POLR2F: variants seen among roughly 807,000 people sequenced by gnomAD.
POLR2F encodes the protein RNA polymerase II, I and III subunit F, also known as DNA-directed RNA polymerases I, II, and III subunit RPABC2.
POLR2F carries 12 observed loss-of-function variants against 22.7 expected under a neutral mutation model. The observed-to-expected ratio is 0.53, with a 90% CI of 0.34 to 0.86. The LOEUF is 0.86. Ranked by LOEUF, POLR2F falls within the 40% of genes least tolerant of loss-of-function variation. The pLI, the probability that POLR2F is intolerant of heterozygous loss-of-function variation, is 0.02. For synonymous variants in POLR2F, 57 were observed against 66.0 expected (o/e 0.86, Z 0.66); for missense variants, 126 against 171.5 (o/e 0.73, Z 1.48).
chr22:37,995,947 G>GTCATGA (rs962430296), intron 1 of POLR2F, among the ~76,000 whole-genome samples: 80 of 152,286 alleles, frequency 5.3e-4, no homozygotes, highest in African/African-American at 1.9e-3. Context: ...TGAGAAGTGA[G>GTCATGA]TCATGATCGT....
intron 1 of POLR2F, among the ~76,000 whole-genome samples, chr22:38,018,930 T>TC (rs1466740916): frequency 6.6e-6 from 1 of 151,756 alleles, no homozygotes; most frequent in Non-Finnish European, 1.5e-5. Flanking sequence ...GCACATGAAA[T>TC]CCCCCCGTCT....
intron 1 of POLR2F, among the ~76,000 whole-genome samples, chr22:38,007,543 G>A (rs1344254005): frequency 9.9e-5 from 15 of 152,178 alleles, no homozygotes; most frequent in Non-Finnish European, 1.6e-4. Flanking sequence ...GAGCGGGGCC[G>A]CCCCCATGCC....
chr22:38,015,018 G>A (rs567155907), intron 1 of POLR2F, among the ~76,000 whole-genome samples: 187 of 151,990 alleles, frequency 1.2e-3, no homozygotes, highest in African/African-American at 4.4e-3. Context: ...ATGTTGATCA[G>A]GCTGGTCTCA....
At chr22:37,959,304 G>T in intron 2 of POLR2F, 42 bp from the exon 3 acceptor site, 1 of 1,607,098 alleles carries the variant, frequency 6.2e-7, no homozygotes, top group Non-Finnish European at 8.5e-7. Context: ...TAACCCAAAA[G>T]TGCCACCTGA....
intron 4 of POLR2F, among the ~76,000 whole-genome samples, chr22:37,976,790 G>T (rs952048373): frequency 1.3e-5 from 2 of 152,212 alleles, no homozygotes; most frequent in African/African-American, 4.8e-5. Context: ...GCCTGGAACA[G>T]AGTAGCTGCT....
chr22:37,967,767 T>G lies in POLR2F; in HGVS notation c.*52T>G. On this transcript the variant is annotated 3_prime_UTR_variant, in exon 5 of 5. Transcript: ENST00000442738. ...CCATGCCCAATTTTCATTCTCACTTTATATGTGTAAATAATAAAATATTCA... is the reference window on the plus strand; with the variant it reads ...CCATGCCCAATTTTCATTCTCACTTGATATGTGTAAATAATAAAATATTCA... 1.3e-6 allele frequency: 2 copies of G among 1,576,994 alleles called. No homozygotes were observed. Among genetic ancestry groups the G allele is most frequent in the Non-Finnish European group, 1.7e-6 (2 of 1,163,178 alleles).
At chr22:38,035,161 C>T (rs112060475) in intron 5 of POLR2F, among the ~76,000 whole-genome samples, 2,206 of 152,304 alleles carry the variant, frequency 0.014, 52 homozygotes, top group African/African-American at 0.05. Context: ...GTCTCTCTCT[C>T]TCGGTCTCAC....
chr22:38,027,368 G>A (rs993688365), downstream of POLR2F, among the ~76,000 whole-genome samples: 1 of 152,122 alleles, frequency 6.6e-6, no homozygotes, highest in Non-Finnish European at 1.5e-5. Flanking sequence ...TGAAATGGAG[G>A]CGTGTCACCC....
chr22:37,962,967 G>A (rs1931707094), intron 3 of POLR2F, among the ~76,000 whole-genome samples: 1 of 150,626 alleles, frequency 6.6e-6, no homozygotes, highest in Non-Finnish European at 1.5e-5. Flanking sequence ...TGGGATTACA[G>A]GCGTGAGCCA....
chr22:37,976,092 G>A (rs1008496111), intron 4 of POLR2F, among the ~76,000 whole-genome samples: 13 of 152,016 alleles, frequency 8.6e-5, no homozygotes, highest in African/African-American at 1.5e-4. Context: ...GTGTGGTGGC[G>A]TGCATCTGTA....
rs539517207 is a variant in POLR2F, at chr22:38,031,879, C to T, written c.453-9189C>T. ...CCCTTCATCCCCTATGGCTAGTCATCGGCCATGACAATTTTTCCTTCCAAA... is the reference window on the plus strand; with the variant it reads ...CCCTTCATCCCCTATGGCTAGTCATTGGCCATGACAATTTTTCCTTCCAAA... On this transcript the variant is annotated intron_variant, in intron 5 of 5. Transcript: ENST00000407936. This position sits in a 1 kb window ranked among gnomAD's most constrained non-coding sequence, Gnocchi z 4.1. 2.6e-5 allele frequency among the ~76,000 whole-genome samples: 4 copies of T among 152,176 alleles called. No homozygotes were observed. The highest frequency in any genetic ancestry group is 4.8e-5 in the African/African-American group (2 of 41,432).
At chr22:37,970,192 G>C (rs148885829), downstream of POLR2F, among the ~76,000 whole-genome samples, 2,350 of 152,046 alleles carry the variant, frequency 0.015, 57 homozygotes, top group African/African-American at 0.053. Flanking sequence ...TACTCGGGAG[G>C]CTGAGGCGGG....
At chr22:37,973,872 G>C (rs1165478554), downstream of POLR2F, 2 of 1,610,124 alleles carry the variant, frequency 1.2e-6, no homozygotes, top group African/African-American at 2.7e-5. Flanking sequence ...ACCGTGGGCA[G>C]AGCCACGCCT....
intron 1 of POLR2F, among the ~76,000 whole-genome samples, chr22:38,022,539 G>A (rs2084968863): frequency 9.2e-6 from 1 of 108,626 alleles, no homozygotes; most frequent in Non-Finnish European, 1.8e-5. Flanking sequence ...CAACAAGAGT[G>A]AAACGCTGTC....
chr22:38,004,721 G>A (rs2084805374), intron 1 of POLR2F, among the ~76,000 whole-genome samples: 1 of 152,182 alleles, frequency 6.6e-6, no homozygotes, highest in Non-Finnish European at 1.5e-5. Context: ...AAGTCGGGCA[G>A]ATCACTTGAG....
chr22:37,996,881 C>G (rs747270338), intron 1 of POLR2F, among the ~76,000 whole-genome samples: 1 of 152,164 alleles, frequency 6.6e-6, no homozygotes, highest in East Asian at 1.9e-4. Context: ...TTTAAATCTC[C>G]GCTGCGATTA....
At chr22:37,994,297 C>T (rs1230382761) in intron 1 of POLR2F, among the ~76,000 whole-genome samples, 4 of 152,160 alleles carry the variant, frequency 2.6e-5, no homozygotes, top group Non-Finnish European at 1.5e-5. Context: ...CACACACACG[C>T]ACCCCAGCTC....
At chr22:37,957,814 A>G (rs1931460392) in intron 2 of POLR2F, among the ~76,000 whole-genome samples, 1 of 151,432 alleles carries the variant, frequency 6.6e-6, no homozygotes, top group Non-Finnish European at 1.5e-5. Context: ...CTTCAGTCTC[A>G]CTCCAGACTC....
At chr22:37,982,630 T>C (rs1932435249), upstream of POLR2F, among the ~76,000 whole-genome samples, 1 of 151,906 alleles carries the variant, frequency 6.6e-6, no homozygotes, top group Non-Finnish European at 1.5e-5. Context: ...TTGCTCAACG[T>C]TGGGGTGGGG....
Sources: allele counts gnomAD v4.1 joint callset (sites outside exome capture counted in the v4.1 genomes callset), GRCh38; gene constraint gnomAD v4.1.1; non-coding constraint Gnocchi (gnomAD v3.1); transcripts MANE v1.5; gene names NCBI Gene and HGNC (gene_info 2026-07-23, HGNC 2026-07-21).